Variants in SLC22A4 observed in about 807,000 individuals in gnomAD.
The protein encoded by SLC22A4 is ET transporter.
In SLC22A4, 39 loss-of-function variants were observed where a neutral mutation model predicts 56.6. The ratio of observed to expected loss-of-function variants is 0.69; its 90% CI spans 0.53 to 0.90. The LOEUF (loss-of-function observed/expected upper bound fraction) is 0.90, where lower values mean the gene tolerates loss of function less well. Among genes scored for constraint, SLC22A4 ranks in the 40% least tolerant of loss-of-function variants. SLC22A4 has a pLI of 0.00. For synonymous variants in SLC22A4, 241 were observed against 281.4 expected, an observed-to-expected ratio of 0.86 and a Z score of 1.44; for missense variants, 594 against 696.5, an observed-to-expected ratio of 0.85 and a Z score of 1.66.
At chr5:132,334,422 A>G (rs1376075171) in intron 6 of SLC22A4, among the ~76,000 whole-genome samples, 2 of 152,242 alleles carry the variant, frequency 1.3e-5, no homozygotes, top group Non-Finnish European at 2.9e-5. Context: ...GAATATTGGT[A>G]TATCTAGACT....
At chr5:132,343,429 G>A (rs1328856838) in intron 9 of SLC22A4, among the ~76,000 whole-genome samples, 1 of 152,210 alleles carries the variant, frequency 6.6e-6, no homozygotes, top group East Asian at 1.9e-4. Context: ...ATAGCAAAAA[G>A]TGCCCATTGT....
chr5:132,309,273 C>T (rs1025882285), intron 1 of SLC22A4, among the ~76,000 whole-genome samples: 13 of 152,328 alleles, frequency 8.5e-5, no homozygotes, highest in African/African-American at 1.9e-4. Context: ...AAGACACTTG[C>T]GGCACCATAA....
intron 8 of SLC22A4, among the ~76,000 whole-genome samples, chr5:132,337,489 CT>C (rs1751061905): frequency 6.6e-6 from 1 of 151,372 alleles, no homozygotes; most frequent in Non-Finnish European, 1.5e-5. Flanking sequence ...TTTGCCCAGG[CT>C]GGTTTCGAAC....
intron 9 of SLC22A4, among the ~76,000 whole-genome samples, chr5:132,341,909 T>C (rs559927461): frequency 6.6e-6 from 1 of 151,936 alleles, no homozygotes; most frequent in South Asian, 2.1e-4. Flanking sequence ...ATCGCGCCAC[T>C]ACACTCCAGT....
intron 1 of SLC22A4, 153 bp downstream of exon 1, chr5:132,295,162 A>G (rs1355452117): frequency 1.1e-6 from 1 of 884,296 alleles, no homozygotes; most frequent in Admixed American, 2.0e-5. Context: ...GCACCCCAAG[A>G]AAGAATAGGA....
At chr5:132,339,963 C>T (rs1751155025) in intron 8 of SLC22A4, among the ~76,000 whole-genome samples, 2 of 151,960 alleles carry the variant, frequency 1.3e-5, no homozygotes, top group South Asian at 4.1e-4. Flanking sequence ...CATGTAAGTG[C>T]TCCAAAAAGA....
chr5:132,319,649 G>C (rs1313465261), intron 3 of SLC22A4, among the ~76,000 whole-genome samples: 2 of 152,208 alleles, frequency 1.3e-5, no homozygotes, highest in East Asian at 3.9e-4. Context: ...CTGGAGTGCA[G>C]TGGCATGATC....
chr5:132,335,055 G>A, intron 7 of SLC22A4, 123 bp downstream of exon 7: 1 of 752,826 alleles, frequency 1.3e-6, no homozygotes, highest in Non-Finnish European at 2.4e-6. Context: ...AAGTCAATTA[G>A]ACAGGTGATT....
In SLC22A4 at chr5:132,343,747, A is replaced by G; in HGVS notation, c.1581-13A>G. ...GAATATTTAATTTTCCTTAGCATCT[A>G]TTTTATTTTCAGGTTCAGATCTGGG... On this transcript the variant is annotated splice_polypyrimidine_tract_variant and intron_variant, in intron 9 of 9. Coordinates refer to ENST00000200652, the MANE Select transcript of SLC22A4 (RefSeq NM_003059.3). The G allele has an allele frequency of 6.5e-7, 1 of 1,544,924 alleles. No homozygotes were observed. The highest frequency in any genetic ancestry group is 8.9e-7 in the Non-Finnish European group (1 of 1,118,298).
intron 1 of SLC22A4, among the ~76,000 whole-genome samples, chr5:132,297,742 CAA>C (rs1334005451): frequency 6.6e-6 from 1 of 151,198 alleles, no homozygotes; most frequent in African/African-American, 2.4e-5. Context: ...GGCAGGAGTT[CAA>C]GACAGCACTG....
At chr5:132,298,707 G>C (rs1217867308) in intron 1 of SLC22A4, among the ~76,000 whole-genome samples, 1 of 152,222 alleles carries the variant, frequency 6.6e-6, no homozygotes, top group Middle Eastern at 3.2e-3. Context: ...GCCCCATCCG[G>C]TGGTGGCCAG....
chr5:132,327,548 A>G, intron 5 of SLC22A4, 145 bp downstream of exon 5: 1 of 671,698 alleles, frequency 1.5e-6, no homozygotes, highest in South Asian at 1.9e-5. Flanking sequence ...TTAAATTCTA[A>G]GATAAAATCC....
intron 1 of SLC22A4, among the ~76,000 whole-genome samples, chr5:132,305,579 C>T (rs768710412): frequency 5.9e-5 from 9 of 152,080 alleles, no homozygotes; most frequent in Non-Finnish European, 1.3e-4. Flanking sequence ...AAGAGAACTC[C>T]AATAAGATCA....
chr5:132,303,295 TAC>T (rs57867025), intron 1 of SLC22A4, among the ~76,000 whole-genome samples: 11 of 150,638 alleles, frequency 7.3e-5, no homozygotes, highest in African/African-American at 1.5e-4. Context: ...CTGGTGAAAA[TAC>T]ACACACACAC....
At chr5:132,332,510 C>T (rs1167925209) in intron 6 of SLC22A4, among the ~76,000 whole-genome samples, 1 of 152,022 alleles carries the variant, frequency 6.6e-6, no homozygotes, top group Non-Finnish European at 1.5e-5. Context: ...TAATTCAGCT[C>T]CTGCTTCCTG....
intron 1 of SLC22A4, among the ~76,000 whole-genome samples, chr5:132,307,678 T>C (rs80158926): frequency 0.023 from 3,561 of 152,250 alleles, 94 homozygotes; most frequent in African/African-American, 0.065. Flanking sequence ...GCAGGTATTA[T>C]TGTCATCTTT....
chr5:132,321,318 G>A (rs1750532502), intron 3 of SLC22A4, among the ~76,000 whole-genome samples: 1 of 152,196 alleles, frequency 6.6e-6, no homozygotes, highest in Non-Finnish European at 1.5e-5. Flanking sequence ...TCCAGAGCCA[G>A]CTCACTCCAA....
chr5:132,298,055 A>G (rs1749819052), intron 1 of SLC22A4, among the ~76,000 whole-genome samples: 1 of 152,250 alleles, frequency 6.6e-6, no homozygotes, highest in South Asian at 2.1e-4. Context: ...AAAATGGTGC[A>G]GCCACTATGG....
At chr5:132,308,409 T>TACC (rs1417677054) in intron 1 of SLC22A4, among the ~76,000 whole-genome samples, 1 of 118,690 alleles carries the variant, frequency 8.4e-6, no homozygotes, top group Non-Finnish European at 1.7e-5. Flanking sequence ...TTTTTTTTTT[T>TACC]ACCAATTCAC....
Sources: gnomAD v4.1 joint callset for allele counts (sites outside exome capture counted in the v4.1 genomes callset) on GRCh38, gnomAD v4.1.1 for gene constraint, MANE v1.5 for transcripts, NCBI Gene and HGNC (gene_info 2026-07-23, HGNC 2026-07-21) for gene names.